Variants in PDZRN3 observed in about 807,000 individuals in gnomAD.
PDZRN3 encodes the protein E3 ubiquitin-protein ligase PDZRN3.
A neutral mutation model predicts 85.7 loss-of-function variants in PDZRN3; 38 were observed. The observed-to-expected ratio is 0.44, with a 90% CI of 0.34 to 0.58. The LOEUF (loss-of-function observed/expected upper bound fraction) is 0.58. PDZRN3 is among the 20% of genes least tolerant of loss of function. PDZRN3 has a pLI of 0.01. For synonymous variants in PDZRN3, 759 were observed against 638.0 expected, an observed-to-expected ratio of 1.19 and a Z score of -2.86; for missense variants, 1,629 against 1,506.4, an observed-to-expected ratio of 1.08 and a Z score of -1.35.
At position 73,384,721 on chromosome 3, in the gene PDZRN3, G is replaced by A. The variant is rs780327711; in HGVS notation, c.1845C>T (p.Ser615=). 26 of 1,613,812 alleles carry A rather than the reference G, an allele frequency of 1.6e-5. No individual in the cohort carries two copies. The highest frequency in any genetic ancestry group is 2.1e-5 in the Non-Finnish European group (25 of 1,180,040). ...ACTCGTTGCTGAAGGGCAGGTCGCC[G>A]CTGCCCAAGGTGTCCTGGCTGCAGG... ...KLTCSQDTLG[S]GDLPFSNESF... Residue 615 remains serine (S), a synonymous_variant, in exon 10 of 10, where the codon AGC becomes AGT. Coordinates refer to ENST00000263666, the MANE Select transcript of PDZRN3 (RefSeq NM_015009.3).
chr3:73,460,080 T>C (rs1268949145), intron 3 of PDZRN3, among the ~76,000 whole-genome samples: 1 of 152,236 alleles, frequency 6.6e-6, no homozygotes, highest in Non-Finnish European at 1.5e-5. Context: ...AGGTAAAATA[T>C]ACATATATAA....
intron 3 of PDZRN3, among the ~76,000 whole-genome samples, chr3:73,507,963 C>T (rs777020175): frequency 6.6e-5 from 10 of 151,990 alleles, no homozygotes; most frequent in Non-Finnish European, 7.4e-5. Flanking sequence ...CATGGTGGCA[C>T]GTGCCTGTAA....
chr3:73,616,799 C>A (rs183537091), intron 1 of PDZRN3, among the ~76,000 whole-genome samples: 14 of 152,260 alleles, frequency 9.2e-5, no homozygotes, highest in Non-Finnish European at 1.8e-4. Context: ...TTAATAACAA[C>A]CCTAACAACA....
intron 8 of PDZRN3, 50 bp from the exon 9 acceptor site, chr3:73,385,835 C>T (rs759793124): frequency 3.7e-6 from 4 of 1,076,542 alleles, no homozygotes; most frequent in Non-Finnish European, 5.7e-6. Flanking sequence ...CTTTCATGTT[C>T]ATTTATGTTT....
chr3:73,526,391 A>T (rs1704525078), intron 3 of PDZRN3, among the ~76,000 whole-genome samples: 1 of 152,174 alleles, frequency 6.6e-6, no homozygotes, highest in Non-Finnish European at 1.5e-5. Flanking sequence ...TCCACAGATA[A>T]GGAACTAGAG....
At chr3:73,559,653 A>G (rs1469670825) in intron 3 of PDZRN3, among the ~76,000 whole-genome samples, 1 of 152,184 alleles carries the variant, frequency 6.6e-6, no homozygotes, top group African/African-American at 2.4e-5. Context: ...CTTGTTTCCT[A>G]TTTATGTAAG....
At chr3:73,412,256 A>G (rs962123308) in intron 3 of PDZRN3, among the ~76,000 whole-genome samples, 7 of 152,186 alleles carry the variant, frequency 4.6e-5, no homozygotes, top group Non-Finnish European at 1.0e-4. Flanking sequence ...TTATTATGCC[A>G]TTTCCTCTCC....
intron 2 of PDZRN3, among the ~76,000 whole-genome samples, chr3:73,605,740 A>T (rs907906432): frequency 2.0e-5 from 3 of 152,236 alleles, no homozygotes; most frequent in African/African-American, 7.2e-5. Flanking sequence ...GAATACATTC[A>T]GGTTTCATGA....
chr3:73,586,983 T>C (rs1702287067), intron 3 of PDZRN3, among the ~76,000 whole-genome samples: 1 of 152,222 alleles, frequency 6.6e-6, no homozygotes, highest in South Asian at 2.1e-4. Context: ...TTTTTACAAA[T>C]ATAGTCTAAT....
At chr3:73,480,156 C>T (rs914755647) in intron 3 of PDZRN3, among the ~76,000 whole-genome samples, 3 of 152,226 alleles carry the variant, frequency 2.0e-5, no homozygotes, top group Admixed American at 6.5e-5. Flanking sequence ...GCCATTGTGA[C>T]TACCTGTCAG....
chr3:73,394,089 A>T (rs1303780547), intron 5 of PDZRN3, among the ~76,000 whole-genome samples: 1 of 152,114 alleles, frequency 6.6e-6, no homozygotes, highest in Non-Finnish European at 1.5e-5. Flanking sequence ...CTTAGAACAA[A>T]GTTTCAGGCT....
At chr3:73,615,071 G>C (rs1702740515) in intron 1 of PDZRN3, among the ~76,000 whole-genome samples, 1 of 152,004 alleles carries the variant, frequency 6.6e-6, no homozygotes, top group South Asian at 2.1e-4. Context: ...GGGAGACAAA[G>C]GGCATGGGGG....
chr3:73,609,008 G>A (rs780539979), intron 1 of PDZRN3, among the ~76,000 whole-genome samples: 1 of 152,098 alleles, frequency 6.6e-6, no homozygotes, highest in African/African-American at 2.4e-5. Flanking sequence ...CCGGCCCATC[G>A]TACGCAGGCT....
intron 3 of PDZRN3, among the ~76,000 whole-genome samples, chr3:73,496,230 T>C (rs12633835): frequency 0.97 from 147,139 of 152,324 alleles, 71,246 homozygotes; most frequent in East Asian, 1. Context: ...TAAGAACATT[T>C]TCCAAGTTGT....
intron 3 of PDZRN3, among the ~76,000 whole-genome samples, chr3:73,523,128 T>C (rs765516463): frequency 1.1e-4 from 17 of 152,170 alleles, no homozygotes; most frequent in Non-Finnish European, 1.6e-4. Flanking sequence ...GTTGAAGTGA[T>C]CCTCCTGCCT....
At chr3:73,537,110 T>C (rs1363035626) in intron 3 of PDZRN3, among the ~76,000 whole-genome samples, 2 of 152,132 alleles carry the variant, frequency 1.3e-5, no homozygotes, top group Non-Finnish European at 2.9e-5. Context: ...TGCAGTTGGC[T>C]GGGGGTCAGG....
chr3:73,502,644 T>C (rs548313752), intron 3 of PDZRN3, among the ~76,000 whole-genome samples: 1 of 152,344 alleles, frequency 6.6e-6, no homozygotes, highest in Non-Finnish European at 1.5e-5. Flanking sequence ...TGGCAGCTCA[T>C]GAAACCAGGC....
At chr3:73,593,106 A>C (rs1370222434) in intron 3 of PDZRN3, among the ~76,000 whole-genome samples, 1 of 149,984 alleles carries the variant, frequency 6.7e-6, no homozygotes, top group Non-Finnish European at 1.5e-5. Flanking sequence ...AAAAAAAAAA[A>C]CAGATAAGGT....
intron 3 of PDZRN3, among the ~76,000 whole-genome samples, chr3:73,495,320 G>C (rs1187329596): frequency 2.0e-5 from 3 of 151,860 alleles, no homozygotes; most frequent in Non-Finnish European, 2.9e-5. Context: ...ATTAGAACAT[G>C]CTTAATATAG....
Sources: gnomAD v4.1 joint callset for allele counts (sites outside exome capture counted in the v4.1 genomes callset) on GRCh38, gnomAD v4.1.1 for gene constraint, MANE v1.5 for transcripts, NCBI Gene and HGNC (gene_info 2026-07-23, HGNC 2026-07-21) for gene names.